Variants in CNTNAP5 observed in about 807,000 individuals in gnomAD.
The protein encoded by CNTNAP5 is contactin associated protein family member 5.
CNTNAP5 carries 72 observed loss-of-function variants against 150.2 expected under a neutral mutation model. The observed-to-expected ratio is 0.48, with a 90% CI of 0.40 to 0.58. The LOEUF (loss-of-function observed/expected upper bound fraction) is 0.58, where lower values mean the gene tolerates loss of function less well. Among genes scored for constraint, CNTNAP5 ranks in the 20% least tolerant of loss-of-function variants. The pLI is 0.00. For missense variants in CNTNAP5, 1,636 were observed against 1,626.2 expected (o/e 1.01, Z -0.10); for synonymous variants, 672 against 619.8 (o/e 1.08, Z -1.25).
At chr2:124,238,946 C>T (rs1458094459) in intron 2 of CNTNAP5, among the ~76,000 whole-genome samples, 1 of 152,192 alleles carries the variant, frequency 6.6e-6, no homozygotes, top group Non-Finnish European at 1.5e-5. Context: ...GCATCTTCAA[C>T]AGCAGGAAAG....
At chr2:124,457,710 A>G (rs1403350913) in intron 6 of CNTNAP5, among the ~76,000 whole-genome samples, 3 of 151,912 alleles carry the variant, frequency 2.0e-5, no homozygotes, top group African/African-American at 7.3e-5. Flanking sequence ...ATATACATAT[A>G]TATTTATTAT....
At chr2:124,770,089 T>G (rs541492105) in intron 16 of CNTNAP5, among the ~76,000 whole-genome samples, 176 of 152,300 alleles carry the variant, frequency 1.2e-3, no homozygotes, top group African/African-American at 3.9e-3. Flanking sequence ...AATAATAATT[T>G]TAAAGACTTT....
chr2:124,605,724 G>A (rs1573491996), intron 11 of CNTNAP5, among the ~76,000 whole-genome samples: 1 of 147,314 alleles, frequency 6.8e-6, no homozygotes, highest in Non-Finnish European at 1.5e-5. Context: ...GCTGAGGCAG[G>A]AGAATTGCTT....
intron 3 of CNTNAP5, among the ~76,000 whole-genome samples, chr2:124,387,440 G>A (rs189240176): frequency 7.0e-4 from 106 of 152,342 alleles, no homozygotes; most frequent in African/African-American, 2.2e-3. Context: ...CTGGGTGTAG[G>A]TGGGCTGAAT....
intron 13 of CNTNAP5, among the ~76,000 whole-genome samples, chr2:124,713,237 TTCTTTC>T (rs759502131): frequency 0.099 from 4,877 of 49,364 alleles, 789 homozygotes; most frequent in Non-Finnish European, 0.11. Flanking sequence ...CTTTCTTTCT[TTCTTTC>T]TCTTTCTTTC....
chr2:124,161,706 TC>T (rs1684683511), intron 1 of CNTNAP5, among the ~76,000 whole-genome samples: 1 of 151,902 alleles, frequency 6.6e-6, no homozygotes, highest in South Asian at 2.1e-4. Context: ...CAAATGCAGA[TC>T]AAAAAAAAGA....
Position 124,242,278 on chromosome 2 carries a change from C to T in CNTNAP5, c.266C>T (p.Thr89Ile). 6.2e-7 allele frequency: 1 copy of T among 1,610,144 alleles called. No individual in the cohort carries two copies. Among genetic ancestry groups the T allele is most frequent in the East Asian group, 2.2e-5 (1 of 44,538 alleles). ...GACCTGGGAAACAGAGTAGAGATTA[C>T]AGCAGTGGCCACGCAGGGAAGATAC... ...QMDLGNRVEI[T>I]AVATQGRYGS... The change falls in exon 3 of 24, where the codon ACA becomes ATA. Residue 89 changes from threonine to isoleucine, a missense_variant. Thr to Ile is a moderately conservative substitution (Grantham distance 89). Transcript: ENST00000682447.
intron 3 of CNTNAP5, among the ~76,000 whole-genome samples, chr2:124,281,742 G>A (rs1688016804): frequency 6.6e-6 from 1 of 152,130 alleles, no homozygotes; most frequent in African/African-American, 2.4e-5. Context: ...GGTTTCACAA[G>A]CGGGCTTCAG....
At chr2:124,373,218 G>T (rs1690571430) in intron 3 of CNTNAP5, among the ~76,000 whole-genome samples, 1 of 152,140 alleles carries the variant, frequency 6.6e-6, no homozygotes, top group Admixed American at 6.5e-5. Flanking sequence ...GAAGACATAA[G>T]AAATGATGAC....
intron 20 of CNTNAP5, among the ~76,000 whole-genome samples, chr2:124,867,577 C>T (rs186518724): frequency 1.6e-4 from 25 of 152,158 alleles, no homozygotes; most frequent in Admixed American, 3.9e-4. Flanking sequence ...ATACAACTCT[C>T]GCCTGTTGAT....
At chr2:124,413,578 G>A (rs568090414) in intron 3 of CNTNAP5, among the ~76,000 whole-genome samples, 1 of 133,132 alleles carries the variant, frequency 7.5e-6, no homozygotes, top group Non-Finnish European at 1.6e-5. Context: ...CATGTCCTTT[G>A]TAGGGACATG....
intron 21 of CNTNAP5, among the ~76,000 whole-genome samples, chr2:124,901,555 T>C (rs148216508): frequency 2.0e-5 from 3 of 152,264 alleles, no homozygotes; most frequent in East Asian, 3.9e-4. Context: ...GGAAATATAA[T>C]ATTCCCCAAG....
intron 1 of CNTNAP5, among the ~76,000 whole-genome samples, chr2:124,133,043 A>G (rs770165638): frequency 6.6e-6 from 1 of 152,220 alleles, no homozygotes; most frequent in Non-Finnish European, 1.5e-5. Context: ...CTTCCATTGT[A>G]GAAGCCTGCC....
At chr2:124,104,293 A>C (rs926536569) in intron 1 of CNTNAP5, among the ~76,000 whole-genome samples, 2 of 152,038 alleles carry the variant, frequency 1.3e-5, no homozygotes, top group African/African-American at 4.8e-5. Flanking sequence ...TCTCTACATT[A>C]TTTTGAGGCA....
chr2:124,784,356 G>A (rs2104624246), intron 17 of CNTNAP5, among the ~76,000 whole-genome samples: 1 of 152,272 alleles, frequency 6.6e-6, no homozygotes, highest in African/African-American at 2.4e-5. Context: ...AGGGTAAAAG[G>A]AACTGAGATG....
chr2:124,905,052 A>G (rs1156448105), intron 22 of CNTNAP5, among the ~76,000 whole-genome samples: 189 of 148,216 alleles, frequency 1.3e-3, no homozygotes, highest in Non-Finnish European at 2.0e-3. Context: ...AAAAAAAAAA[A>G]AAAGAAAGAA....
chr2:124,076,869 C>G (rs2104670293), intron 1 of CNTNAP5, among the ~76,000 whole-genome samples: 1 of 152,140 alleles, frequency 6.6e-6, no homozygotes, highest in South Asian at 2.1e-4. Flanking sequence ...AATATAAAAG[C>G]AATCAGCCCA....
intron 3 of CNTNAP5, among the ~76,000 whole-genome samples, chr2:124,262,897 G>A (rs1319161176): frequency 6.7e-6 from 1 of 148,754 alleles, no homozygotes; most frequent in Non-Finnish European, 1.5e-5. Flanking sequence ...AGCACATGTG[G>A]TGTTTGGTTT....
At chr2:124,714,770 A>C (rs1679910173) in intron 13 of CNTNAP5, among the ~76,000 whole-genome samples, 1 of 151,906 alleles carries the variant, frequency 6.6e-6, no homozygotes, top group African/African-American at 2.4e-5. Context: ...TTAAATATAT[A>C]ATCTATATTT....
Sources: allele counts gnomAD v4.1 joint callset (sites outside exome capture counted in the v4.1 genomes callset), GRCh38; gene constraint gnomAD v4.1.1; transcripts MANE v1.5; gene names NCBI Gene and HGNC (gene_info 2026-07-23, HGNC 2026-07-21).